The following MMP16 variants were observed in gnomAD, a reference collection of about 807,000 sequenced individuals.
MMP16 encodes matrix metalloproteinase-16.
MMP16 carries 12 observed loss-of-function variants against 67.8 expected under a neutral mutation model. That is an observed-to-expected ratio of 0.18 (90% CI 0.11 to 0.29). The LOEUF (loss-of-function observed/expected upper bound fraction) is 0.29. MMP16 is among the 10% of genes least tolerant of loss of function. The pLI is 1.00. For synonymous variants in MMP16, 249 were observed against 255.9 expected, an observed-to-expected ratio of 0.97 and a Z score of 0.26; for missense variants, 475 against 765.7, an observed-to-expected ratio of 0.62 and a Z score of 4.48.
chr8:88,069,302 A>G (rs1808511463), intron 7 of MMP16: 1 of 357,980 alleles, frequency 2.8e-6, no homozygotes, highest in Non-Finnish European at 5.6e-6. Flanking sequence ...ATCCCTCGGT[A>G]TTTGGTGTTT....
At chr8:88,248,176 G>A (rs575486082) in intron 1 of MMP16, among the ~76,000 whole-genome samples, 2 of 152,140 alleles carry the variant, frequency 1.3e-5, no homozygotes, top group East Asian at 3.9e-4. Context: ...GAAAGATAAT[G>A]CATTAAACCA....
rs866341790 is a variant in MMP16, at chr8:88,177,149, T to C, written c.405-9176A>G. Among the ~76,000 whole-genome samples the C allele has an allele frequency of 4.1e-4, 63 of 152,336 alleles. No homozygotes were observed. In the Middle Eastern group the frequency reaches 0.02, roughly 49 times the overall value. Reference sequence around the variant, plus strand: ...CTTATATTTTTGTGTCTATTTTAAATGGTGCCTTTGTAAAGGTTATACACT... The same window carrying C: ...CTTATATTTTTGTGTCTATTTTAAACGGTGCCTTTGTAAAGGTTATACACT... On this transcript the variant is annotated intron_variant, in intron 3 of 9. Coordinates refer to ENST00000286614, the MANE Select transcript of MMP16 (RefSeq NM_005941.5).
chr8:88,132,719 T>C (rs1435215945), intron 4 of MMP16, among the ~76,000 whole-genome samples: 1 of 151,814 alleles, frequency 6.6e-6, no homozygotes, highest in Non-Finnish European at 1.5e-5. Context: ...AGTCTATTCA[T>C]TAGATGTGAG....
intron 1 of MMP16, among the ~76,000 whole-genome samples, chr8:88,297,863 A>T (rs550073835): frequency 6.6e-6 from 1 of 152,354 alleles, no homozygotes; most frequent in East Asian, 1.9e-4. Context: ...CATTTAGCAC[A>T]ATGTCTGGCA....
intron 9 of MMP16, among the ~76,000 whole-genome samples, chr8:88,044,341 G>A (rs10097366): frequency 0.23 from 35,028 of 152,086 alleles, 4,145 homozygotes; most frequent in East Asian, 0.29. Context: ...GTTACTAGGA[G>A]ATAGACAGTG....
intron 4 of MMP16, among the ~76,000 whole-genome samples, chr8:88,166,297 C>T (rs1321368393): frequency 6.6e-6 from 1 of 151,836 alleles, no homozygotes; most frequent in Non-Finnish European, 1.5e-5. Flanking sequence ...TAACATTCTA[C>T]AATCAGAAGA....
chr8:88,274,978 T>C (rs541514787), intron 1 of MMP16, among the ~76,000 whole-genome samples: 2 of 152,090 alleles, frequency 1.3e-5, no homozygotes, highest in African/African-American at 4.8e-5. Flanking sequence ...CATTCATGCA[T>C]CATTACCCAA....
intron 1 of MMP16, chr8:88,326,707 T>G: frequency 5.3e-6 from 1 of 187,226 alleles, no homozygotes; most frequent in South Asian, 1.2e-4. Flanking sequence ...AGGCAGCACA[T>G]GATGCCAGGG....
chr8:88,226,875 CGTAT>C (rs1253364708), intron 1 of MMP16, among the ~76,000 whole-genome samples: 4 of 72,760 alleles, frequency 5.5e-5, no homozygotes, highest in Non-Finnish European at 1.1e-4. Context: ...TCAGCCTACA[CGTAT>C]TTATTTATTT....
intron 1 of MMP16, among the ~76,000 whole-genome samples, chr8:88,250,569 G>T (rs1810193957): frequency 1.3e-5 from 2 of 151,866 alleles, no homozygotes; most frequent in African/African-American, 2.4e-5. Flanking sequence ...TTTGTAGCAT[G>T]ATGACCAAAA....
At chr8:88,272,203 C>A (rs889756050) in intron 1 of MMP16, among the ~76,000 whole-genome samples, 1 of 152,100 alleles carries the variant, frequency 6.6e-6, no homozygotes, top group African/African-American at 2.4e-5. Flanking sequence ...TTATCATCCT[C>A]GTGGCTATAA....
intron 7 of MMP16, among the ~76,000 whole-genome samples, chr8:88,066,197 T>C (rs1454821194): frequency 1.3e-5 from 2 of 152,144 alleles, no homozygotes; most frequent in Non-Finnish European, 2.9e-5. Flanking sequence ...TTGAAAGAGA[T>C]TGCACCAGCT....
chr8:88,115,807 T>C (rs1809418765), intron 6 of MMP16, among the ~76,000 whole-genome samples: 1 of 152,124 alleles, frequency 6.6e-6, no homozygotes, highest in Non-Finnish European at 1.5e-5. Context: ...TTCAGTATTA[T>C]ATTCACCTTC....
chr8:88,224,209 T>C (rs745826335), intron 1 of MMP16, among the ~76,000 whole-genome samples: 9 of 152,072 alleles, frequency 5.9e-5, no homozygotes, highest in Admixed American at 2.0e-4. Context: ...AATTGGTCTG[T>C]TGCTATCCTG....
intron 8 of MMP16, among the ~76,000 whole-genome samples, chr8:88,049,489 CTT>C (rs1448960851): frequency 6.6e-6 from 1 of 152,106 alleles, no homozygotes; most frequent in African/African-American, 2.4e-5. Context: ...GCTTTCCACA[CTT>C]GAGCAAACAA....
intron 7 of MMP16, chr8:88,069,514 C>T (rs772294922): frequency 1.9e-6 from 1 of 526,522 alleles, no homozygotes; most frequent in Non-Finnish European, 3.9e-6. Context: ...GATAGAGTGT[C>T]TCCCTTCACT....
rs186756790 is a variant in MMP16 at position 88,159,546 on chromosome 8, G to T, written c.709+8123C>A. ...AGGCTTTGCTGAAGTTGCTTATGGG[G>T]TTTCTAAATATACAATCATGTCATT... On this transcript the variant is annotated intron_variant, in intron 4 of 9. Transcript: ENST00000286614. 4.0e-5 allele frequency among the ~76,000 whole-genome samples: 6 copies of T among 148,630 alleles called. No individual in the cohort carries two copies. The East Asian group carries it at 1.2e-3, about 30-fold the overall frequency.
intron 1 of MMP16, among the ~76,000 whole-genome samples, chr8:88,287,192 T>C (rs1810845928): frequency 6.6e-6 from 1 of 152,192 alleles, no homozygotes; most frequent in African/African-American, 2.4e-5. Flanking sequence ...GCCCTGCCTA[T>C]ATTCCAGCCC....
intron 4 of MMP16, among the ~76,000 whole-genome samples, chr8:88,151,757 AG>A (rs1220371976): frequency 2.6e-5 from 4 of 151,846 alleles, no homozygotes; most frequent in Admixed American, 1.3e-4. Flanking sequence ...CACGAGAGAA[AG>A]CAGGAAAGAT....
Sources: gnomAD v4.1 joint callset for allele counts (sites outside exome capture counted in the v4.1 genomes callset) on GRCh38, gnomAD v4.1.1 for gene constraint, MANE v1.5 for transcripts, NCBI Gene and HGNC (gene_info 2026-07-23, HGNC 2026-07-21) for gene names.